Variants in ZNF626 observed in about 807,000 individuals in gnomAD.
The protein encoded by ZNF626 is zinc finger protein 626, also known as CTC-513N18.7.
In ZNF626, 4 loss-of-function variants were observed where a neutral mutation model predicts 11.7. That is an observed-to-expected ratio of 0.34 (90% CI 0.17 to 0.78). The LOEUF (loss-of-function observed/expected upper bound fraction) is 0.78. Among genes scored for constraint, ZNF626 ranks in the 30% least tolerant of loss-of-function variants. The pLI is 0.57. For missense variants in ZNF626, 588 were observed against 587.1 expected (o/e 1.00, Z -0.01); for synonymous variants, 179 against 198.6 (o/e 0.90, Z 0.83).
chr19:20,640,253 ATT>A (rs1555771301), intron 3 of ZNF626, among the ~76,000 whole-genome samples: 1 of 145,736 alleles, frequency 6.9e-6, no homozygotes, highest in Non-Finnish European at 1.5e-5. Flanking sequence ...AATTTTAATT[ATT>A]AAAATTATTA....
chr19:20,630,615 C>A (rs7248371), intron 3 of ZNF626, among the ~76,000 whole-genome samples: 3 of 150,876 alleles, frequency 2.0e-5, no homozygotes, highest in African/African-American at 2.4e-5. Context: ...TCTGTGGGAT[C>A]GGTGGTGATA....
intron 3 of ZNF626, among the ~76,000 whole-genome samples, chr19:20,630,288 C>T (rs1372347076): frequency 1.3e-5 from 2 of 152,142 alleles, no homozygotes; most frequent in Non-Finnish European, 2.9e-5. Context: ...ATGATGCTGG[C>T]CTCACAAAAT....
chr19:20,627,593 A>G (rs1969853103), intron 3 of ZNF626, among the ~76,000 whole-genome samples: 1 of 152,158 alleles, frequency 6.6e-6, no homozygotes, highest in East Asian at 1.9e-4. Context: ...CTCTTTCAGA[A>G]AACCATTTAA....
intron 3 of ZNF626, among the ~76,000 whole-genome samples, chr19:20,640,632 A>G (rs1239555262): frequency 6.7e-6 from 1 of 149,982 alleles, no homozygotes; most frequent in Non-Finnish European, 1.5e-5. Context: ...GAAAGGACAC[A>G]GAAAATTACT....
At position 20,625,528 on chromosome 19, in the gene ZNF626, A is replaced by G; in HGVS notation, c.349T>C (p.Cys117Arg). The G allele has an allele frequency of 1.9e-6, 3 of 1,613,362 alleles. No individual in the cohort carries two copies. Among genetic ancestry groups the G allele is most frequent in the Non-Finnish European group, 2.5e-6 (3 of 1,179,794 alleles). The change falls in exon 4 of 4, where the codon TGT becomes CGT. Residue 117 changes from cysteine (C) to arginine (R), a missense_variant. By Grantham distance (180) the Cys-to-Arg change is radical. Around this residue, in one of 4 missense-constraint regions of ZNF626, gnomAD observed 524 missense variants for 470.1 expected, o/e 1.11. Transcript: ENST00000601440. ...EHDNLQLKKGCISVDECKVHK... is the reference protein window; with the variant it reads ...EHDNLQLKKGRISVDECKVHK... ...ACCTTACACTCATCCACACTTATAC[A>G]TCCTTTTTTTAACTGTAAATTGTCA...
intron 3 of ZNF626, among the ~76,000 whole-genome samples, chr19:20,627,900 G>C (rs1969858059): frequency 6.6e-6 from 1 of 152,080 alleles, no homozygotes; most frequent in Non-Finnish European, 1.5e-5. Flanking sequence ...TTTAGCATTA[G>C]GTGTATCTCC....
In ZNF626 at chr19:20,644,190, A is replaced by G. The variant is rs79277677; in HGVS notation, c.226+1494T>C. On this transcript the variant is annotated intron_variant, in intron 3 of 3. Transcript: ENST00000601440. ...GTTTCCGTTACACGAGCCACAGTTC[A>G]TGGTCAGTCCTGCCTATATAGAAAC... 1.2e-3 allele frequency among the ~76,000 whole-genome samples: 179 copies of G among 152,300 alleles called. 3 individuals are homozygous for G. The East Asian group carries it at 0.032, about 27-fold the overall frequency.
At chr19:20,635,738 T>A (rs1555770849) in intron 3 of ZNF626, among the ~76,000 whole-genome samples, 1 of 152,050 alleles carries the variant, frequency 6.6e-6, no homozygotes, top group Non-Finnish European at 1.5e-5. Context: ...TATCTTCAAA[T>A]CCAAAAATGT....
intron 3 of ZNF626, among the ~76,000 whole-genome samples, chr19:20,627,884 T>A (rs928706428): frequency 6.6e-6 from 1 of 152,204 alleles, no homozygotes; most frequent in African/African-American, 2.4e-5. Context: ...ACCCATTAAC[T>A]CGTCATTTAG....
At chr19:20,653,846 G>C (rs761060105) in intron 1 of ZNF626, among the ~76,000 whole-genome samples, 9 of 151,958 alleles carry the variant, frequency 5.9e-5, no homozygotes, top group Non-Finnish European at 1.2e-4. Context: ...TCATATACTG[G>C]AATATATTAG....
intron 3 of ZNF626, among the ~76,000 whole-genome samples, chr19:20,639,984 T>A (rs10410025): frequency 0.45 from 67,927 of 151,748 alleles, 16,454 homozygotes; most frequent in African/African-American, 0.63. Context: ...AAAGATAAAC[T>A]GATGAAAGAA....
rs71174723 is a variant in ZNF626, at chr19:20,647,484, GTTTTT to G, written c.4-1084_4-1080del. The stretch of plus-strand genomic sequence containing the variant: ...AACTGTTAACTGCACTAGGACAATG[GTTTTT>G]TTTTTTTTTTTTTTTGAGACGGAGT... On this transcript the variant is annotated intron_variant, in intron 1 of 3. Coordinates refer to ENST00000601440, the MANE Select transcript of ZNF626 (RefSeq NM_001076675.3). Among the ~76,000 whole-genome samples the G allele has an allele frequency of 8.4e-4, 103 of 122,812 alleles. 2 individuals carry two copies. The highest frequency in any genetic ancestry group is 2.5e-3 in the African/African-American group (85 of 34,602). The allele number at this position is 122,812 out of a possible 152,430, so 80.6% of individuals were successfully genotyped here.
chr19:20,620,022 C>T lies in ZNF626; in HGVS notation c.*4268G>A, dbSNP rs975512375. ...CTTAAATTATTATTCCTTTATGTGT[C>T]ATTTTATACATTCACACACACATAG... On this transcript the variant is annotated 3_prime_UTR_variant, in exon 4 of 4. Coordinates refer to ENST00000601440, the MANE Select transcript of ZNF626 (RefSeq NM_001076675.3). 5.3e-5 allele frequency: 8 copies of T among 151,978 alleles called. No homozygotes were observed. Among genetic ancestry groups the T allele is most frequent in the African/African-American group, 9.7e-5 (4 of 41,382 alleles). 9.4% of individuals were successfully genotyped at this position (151,978 alleles called of 1,614,324 possible). A position where few individuals can be genotyped will look rare whatever the true frequency, so the allele number is the denominator to read the frequency against.
In ZNF626 at chr19:20,624,420, CA is replaced by C; in HGVS notation, c.1456del (p.Cys486ValfsTer26). The C allele has an allele frequency of 9.5e-6, 7 of 737,688 alleles. 3 individuals carry two copies. Among genetic ancestry groups the C allele is most frequent in the Non-Finnish European group, 1.5e-5 (7 of 472,034 alleles). The allele number at this position is 737,688 out of a possible 1,614,324, so 45.7% of individuals were successfully genotyped here. On this transcript the variant is annotated frameshift_variant, in exon 4 of 4. Coordinates refer to ENST00000601440, the MANE Select transcript of ZNF626 (RefSeq NM_001076675.3). LOFTEE classifies it low-confidence loss of function (END_TRUNC). The stretch of plus-strand genomic sequence containing the variant: ...TGAGGACTGGTTGAAGGCTTTGCCA[CA>C]TTCTTCACATTTGTAGGGTCTCTCT... ...TGERPYKCEECGKAFNQSSIL... is the reference protein window; with the variant it reads ...TGERPYKCEEXGKAFNQSSIL...
chr19:20,659,180 T>A (rs529138026), intron 1 of ZNF626, among the ~76,000 whole-genome samples: 114 of 152,276 alleles, frequency 7.5e-4, no homozygotes, highest in African/African-American at 2.7e-3. Context: ...AGACACACAC[T>A]CTGTACATTT....
chr19:20,649,571 G>C (rs1555772324), intron 1 of ZNF626, among the ~76,000 whole-genome samples: 5 of 152,108 alleles, frequency 3.3e-5, no homozygotes. Context: ...GGACTCCATG[G>C]ATGCTTCCAC....
chr19:20,648,477 C>T (rs1010794516), intron 1 of ZNF626, among the ~76,000 whole-genome samples: 5 of 151,604 alleles, frequency 3.3e-5, no homozygotes, highest in Non-Finnish European at 4.4e-5. Context: ...CCCAGGTTCA[C>T]GCCATTCTCC....
chr19:20,642,285 C>G (rs1599481536), intron 3 of ZNF626, among the ~76,000 whole-genome samples: 1 of 152,128 alleles, frequency 6.6e-6, no homozygotes, highest in East Asian at 1.9e-4. Context: ...AACCAATAGG[C>G]ACAATAAACT....
chr19:20,626,948 G>C (rs888356720), intron 3 of ZNF626, among the ~76,000 whole-genome samples: 5 of 152,146 alleles, frequency 3.3e-5, no homozygotes, highest in Non-Finnish European at 2.9e-5. Context: ...TCGGGAGGCA[G>C]AGGTAGCTAT....
Sources: allele counts gnomAD v4.1 joint callset (sites outside exome capture counted in the v4.1 genomes callset), GRCh38; gene constraint gnomAD v4.1.1; regional missense constraint gnomAD v4.1.1; transcripts MANE v1.5; gene names NCBI Gene and HGNC (gene_info 2026-07-23, HGNC 2026-07-21).